Variants in SLC35D2 observed in about 807,000 individuals in gnomAD.
The protein encoded by SLC35D2 is solute carrier family 35 member D2, also known as nucleotide sugar transporter SLC35D2.
A neutral mutation model predicts 41.8 loss-of-function variants in SLC35D2; 43 were observed. The ratio of observed to expected loss-of-function variants is 1.03; its 90% CI spans 0.81 to 1.33. The LOEUF (loss-of-function observed/expected upper bound fraction) is 1.33, where lower values mean the gene tolerates loss of function less well. Ranked by LOEUF, SLC35D2 falls within the 40% of genes most tolerant of loss-of-function variation. The probability of loss-of-function intolerance (pLI) is 0.00; values close to 1 mark genes in which losing one functional copy is unlikely to be tolerated. For synonymous variants in SLC35D2, 150 were observed against 163.9 expected (o/e 0.92, Z 0.65); for missense variants, 380 against 408.4 (o/e 0.93, Z 0.60).
chr9:96,330,215 T>C (rs904307294), intron 9 of SLC35D2, among the ~76,000 whole-genome samples: 1 of 152,238 alleles, frequency 6.6e-6, no homozygotes, highest in African/African-American at 2.4e-5. Context: ...TCCATGCCCA[T>C]GGCCAATTGG....
At chr9:96,332,169 C>A (rs1828838016) in intron 9 of SLC35D2, among the ~76,000 whole-genome samples, 6 of 152,086 alleles carry the variant, frequency 3.9e-5, no homozygotes, top group Admixed American at 3.9e-4. Flanking sequence ...AAGAGCAAGT[C>A]CGAAATGCAA....
chr9:96,374,355 G>A (rs1199370375), intron 1 of SLC35D2, among the ~76,000 whole-genome samples: 1 of 152,086 alleles, frequency 6.6e-6, no homozygotes. Flanking sequence ...CCAACATGGT[G>A]AAACCCCGTC....
rs373785289 is a variant in SLC35D2 at position 96,324,416 on chromosome 9, C to T, written c.753-247G>A. Among the ~76,000 whole-genome samples the T allele has an allele frequency of 3.2e-4, 49 of 152,262 alleles. 1 individual carries two copies. In the South Asian group the frequency reaches 0.01, roughly 32 times the overall value. ...CCTTCTCATTTTCTCTGTACATTTC[C>T]AATGAATGTTTCCACAACATGGGAG... is the stretch of plus-strand genomic sequence containing the variant. On this transcript the variant is annotated intron_variant, in intron 9 of 11. Coordinates refer to ENST00000253270, the MANE Select transcript of SLC35D2 (RefSeq NM_007001.3).
intron 4 of SLC35D2, among the ~76,000 whole-genome samples, chr9:96,355,894 A>G (rs1341138594): frequency 6.6e-6 from 1 of 152,252 alleles, no homozygotes; most frequent in South Asian, 2.1e-4. Context: ...TAAGTTATTA[A>G]AACCTTATGT....
intron 9 of SLC35D2, among the ~76,000 whole-genome samples, chr9:96,324,549 C>CTTTTTTTTTTTTTTT (rs57775451): frequency 1.3e-4 from 15 of 117,748 alleles, no homozygotes; most frequent in Admixed American, 3.0e-4. Context: ...GCCTGCTGCA[C>CTTTTTTTTTTTTTTT]TTTTTTTTTT....
At position 96,383,492 on chromosome 9, in the gene SLC35D2, A is replaced by T; in HGVS notation, c.143T>A (p.Leu48Gln). The T allele has an allele frequency of 1.3e-6, 2 of 1,537,308 alleles. No individual in the cohort carries two copies. Among genetic ancestry groups the T allele is most frequent in the South Asian group, 2.4e-5 (2 of 83,744 alleles). Residue 48 changes from leucine (L) to glutamine (Q), a missense_variant, in exon 1 of 12, where the codon CTG becomes CAG. Transcript: ENST00000253270. ...SFLIVLVNKA[L>Q]LTTYGFPSPI... ...CCCGCCTCACCCGTAGGTGGTCAGC[A>T]GCGCCTTGTTGACAAGCACGATGAG...
In SLC35D2 at chr9:96,340,088, T is replaced by TAATTACATA. The variant is rs138605569; in HGVS notation, c.685-3305_685-3304insTATGTAATT. On this transcript the variant is annotated intron_variant, in intron 8 of 11. Transcript: ENST00000253270. Reference sequence around the variant, plus strand: ...ATTTTATATTACAGGCTAACACACCTAATTCATTTCTTTCTCCTATTTGGT... The same window carrying TAATTACATA: ...ATTTTATATTACAGGCTAACACACCTAATTACATAAATTCATTTCTTTCTCCTATTTGGT... Among the ~76,000 whole-genome samples, 377 of 152,366 alleles carry TAATTACATA rather than the reference T, an allele frequency of 2.5e-3. 1 individual carries two copies. Among genetic ancestry groups the TAATTACATA allele is most frequent in the African/African-American group, 8.5e-3 (352 of 41,582 alleles).
chr9:96,365,894 A>C (rs1378716818), intron 2 of SLC35D2, among the ~76,000 whole-genome samples: 2 of 152,212 alleles, frequency 1.3e-5, no homozygotes, highest in East Asian at 3.8e-4. Flanking sequence ...TTATAATCCT[A>C]TACCTTGCTC....
chr9:96,353,310 G>A (rs1829885644), intron 4 of SLC35D2, among the ~76,000 whole-genome samples: 1 of 151,790 alleles, frequency 6.6e-6, no homozygotes, highest in Non-Finnish European at 1.5e-5. Context: ...ACTGTAACAA[G>A]ATACATTCTG....
At chr9:96,369,003 G>A (rs1830581670) in intron 1 of SLC35D2, among the ~76,000 whole-genome samples, 1 of 152,058 alleles carries the variant, frequency 6.6e-6, no homozygotes, top group Admixed American at 6.6e-5. Flanking sequence ...GACCTCAAAT[G>A]ATCTGCCCGC....
intron 1 of SLC35D2, among the ~76,000 whole-genome samples, chr9:96,380,798 G>C (rs1370044692): frequency 6.6e-6 from 1 of 151,748 alleles, no homozygotes; most frequent in Non-Finnish European, 1.5e-5. Context: ...AAGTGTTTAA[G>C]TTTTCTTTTT....
intron 1 of SLC35D2, among the ~76,000 whole-genome samples, chr9:96,373,442 A>G (rs1436262563): frequency 6.6e-6 from 1 of 152,068 alleles, no homozygotes; most frequent in East Asian, 1.9e-4. Flanking sequence ...TAATTCCAGC[A>G]CTTTGGGAGG....
At position 96,335,481 on chromosome 9, in the gene SLC35D2, T is replaced by C. The variant is rs111673402; in HGVS notation, c.752+1236A>G. 5.1e-3 allele frequency among the ~76,000 whole-genome samples: 773 copies of C among 152,212 alleles called. 8 individuals carry two copies. Among genetic ancestry groups the C allele is most frequent in the African/African-American group, 0.018 (739 of 41,524 alleles). On this transcript the variant is annotated intron_variant, in intron 9 of 11. Transcript: ENST00000253270. The stretch of plus-strand genomic sequence containing the variant: ...TTCAAGCGATTCTTCTGCCTCAGAC[T>C]CCTGAGTACCTGGGACAACAGGTGT...
intron 4 of SLC35D2, among the ~76,000 whole-genome samples, chr9:96,356,635 G>A (rs1288132652): frequency 1.3e-5 from 2 of 152,228 alleles, no homozygotes; most frequent in African/African-American, 4.8e-5. Flanking sequence ...TTAGGAGGCT[G>A]AGGCAGGTGG....
At chr9:96,317,868 CAAA>C (rs34659411), downstream of SLC35D2, among the ~76,000 whole-genome samples, 5,605 of 99,484 alleles carry the variant, frequency 0.056, 341 homozygotes, top group East Asian at 0.15. Flanking sequence ...ACCAAAAATA[CAAA>C]AAAAAAAAAA....
Position 96,322,048 on chromosome 9 carries a change from GATT to G in SLC35D2, c.861_863del (p.Leu287_Ile288delinsPhe). The G allele has an allele frequency of 6.2e-7, 1 of 1,607,032 alleles. No homozygotes were observed. Among genetic ancestry groups the G allele is most frequent in the South Asian group, 1.1e-5 (1 of 90,506 alleles). On this transcript the variant is annotated inframe_deletion, in exon 11 of 12. Transcript: ENST00000253270. ...ACAAAGAGAAAATGTAGTCTCCACCGATTAATATCCCAATGTAGGCAACGGATA... is the reference window on the plus strand; with the variant it reads ...ACAAAGAGAAAATGTAGTCTCCACCGAATATCCCAATGTAGGCAACGGATA...
At chr9:96,321,954 G>A (rs1398454612) in intron 11 of SLC35D2, 44 bp downstream of exon 11, 11 of 1,140,748 alleles carry the variant, frequency 9.6e-6, no homozygotes, top group Non-Finnish European at 1.5e-5. Context: ...AGTGTTTAAG[G>A]TTCTTGTCTT....
intron 9 of SLC35D2, among the ~76,000 whole-genome samples, chr9:96,329,272 C>T (rs1219719534): frequency 1.3e-5 from 2 of 151,780 alleles, no homozygotes; most frequent in Non-Finnish European, 1.5e-5. Flanking sequence ...CCTCTGTTGC[C>T]CAGGCTGGAG....
At chr9:96,362,530 T>G (rs759373444) in intron 3 of SLC35D2, among the ~76,000 whole-genome samples, 1 of 151,748 alleles carries the variant, frequency 6.6e-6, no homozygotes, top group Admixed American at 6.6e-5. Context: ...AAAAAAGAAT[T>G]TAGGGATGCA....
Sources: gnomAD v4.1 joint callset for allele counts (sites outside exome capture counted in the v4.1 genomes callset) on GRCh38, gnomAD v4.1.1 for gene constraint, MANE v1.5 for transcripts, NCBI Gene and HGNC (gene_info 2026-07-23, HGNC 2026-07-21) for gene names.